Variants in CSMD3 observed in about 807,000 individuals in gnomAD.
CSMD3 encodes the protein CUB and Sushi multiple domains 3.
In CSMD3, 177 loss-of-function variants were observed where a neutral mutation model predicts 435.2. The ratio of observed to expected loss-of-function variants is 0.41; its 90% CI spans 0.36 to 0.46. The LOEUF (loss-of-function observed/expected upper bound fraction) is 0.46. Among genes scored for constraint, CSMD3 ranks in the 20% least tolerant of loss-of-function variants. The pLI, the probability that CSMD3 is intolerant of heterozygous loss-of-function variation, is 0.34. For missense variants in CSMD3, 4,265 were observed against 4,504.6 expected (o/e 0.95, Z 1.52); for synonymous variants, 1,656 against 1,520.5 (o/e 1.09, Z -2.07).
chr8:112,824,903 C>A (rs961348257), intron 12 of CSMD3, among the ~76,000 whole-genome samples: 2 of 152,162 alleles, frequency 1.3e-5, no homozygotes, highest in African/African-American at 4.8e-5. Flanking sequence ...GGGTGTTTTC[C>A]AACTTGGTTC....
Position 112,645,166 on chromosome 8 carries a change from C to A in CSMD3, c.3253G>T (p.Glu1085Ter). Residue 1085 changes from glutamate (E) to a stop codon, truncating the protein, a stop_gained, in exon 20 of 71, where the codon GAA becomes TAA. Coordinates refer to ENST00000297405, the MANE Select transcript of CSMD3 (RefSeq NM_198123.2). LOFTEE classifies it high-confidence loss of function. ...CAATTCAGAGAATTTGGATAAAATT[C>A]CGGGTAACCAGGTGATAAGATTGTT... ...SGTILSPGYPEFYPNSLNCTW... is the reference protein window; with the variant it reads ...SGTILSPGYP The A allele has an allele frequency of 6.2e-7, 1 of 1,609,966 alleles. No homozygotes were observed. Among genetic ancestry groups the A allele is most frequent in the Non-Finnish European group, 8.5e-7 (1 of 1,176,388 alleles).
At chr8:112,996,044 T>C (rs1470239963) in intron 6 of CSMD3, among the ~76,000 whole-genome samples, 2 of 151,530 alleles carry the variant, frequency 1.3e-5, no homozygotes, top group Non-Finnish European at 3.0e-5. Flanking sequence ...TATGTATGTA[T>C]GGTGGAATGG....
At chr8:112,432,900 G>T (rs893487347) in intron 32 of CSMD3, among the ~76,000 whole-genome samples, 5 of 104,954 alleles carry the variant, frequency 4.8e-5, no homozygotes, top group South Asian at 6.5e-4. Context: ...ACGTAGCAAG[G>T]CTCCACTGGA....
intron 24 of CSMD3, among the ~76,000 whole-genome samples, chr8:112,572,766 T>C (rs1000467883): frequency 2.0e-5 from 3 of 152,116 alleles, no homozygotes; most frequent in Non-Finnish European, 4.4e-5. Context: ...ACTCGCACTT[T>C]AATTTATTAG....
At chr8:112,408,861 C>G (rs1832085611) in intron 33 of CSMD3, 58 bp downstream of exon 33, 9 of 1,611,654 alleles carry the variant, frequency 5.6e-6, no homozygotes, top group East Asian at 2.2e-5. Flanking sequence ...CACTACAATA[C>G]TAATCAAAGT....
chr8:112,387,681 C>T (rs1055192914), intron 36 of CSMD3, among the ~76,000 whole-genome samples: 2 of 152,050 alleles, frequency 1.3e-5, no homozygotes, highest in African/African-American at 2.4e-5. Context: ...TTCTAAAGTA[C>T]AGTCAATAAA....
chr8:112,246,407 G>C (rs1382088603), intron 64 of CSMD3, among the ~76,000 whole-genome samples: 1 of 152,114 alleles, frequency 6.6e-6, no homozygotes, highest in Non-Finnish European at 1.5e-5. Flanking sequence ...AAGGCAACTG[G>C]AGAGAAAGAA....
At position 112,354,252 on chromosome 8, in the gene CSMD3, C is replaced by T. The variant is rs372329493; in HGVS notation, c.6137-1718G>A. Among the ~76,000 whole-genome samples the T allele has an allele frequency of 1.3e-4, 20 of 152,106 alleles. No homozygotes were observed. The East Asian group carries it at 1.5e-3, about 12-fold the overall frequency. The stretch of plus-strand genomic sequence containing the variant: ...CACAGACAATATAATACTGAGTGGG[C>T]AAAAGCTGGGATAATTCATGTTGAG... On this transcript the variant is annotated intron_variant, in intron 38 of 70. Transcript: ENST00000297405.
chr8:113,017,595 C>T (rs2086515067), intron 6 of CSMD3, among the ~76,000 whole-genome samples: 2 of 151,980 alleles, frequency 1.3e-5, no homozygotes, highest in South Asian at 4.2e-4. Context: ...TGAATTTCTG[C>T]CATGCCATTG....
At chr8:112,252,301 T>C (rs919334905) in intron 63 of CSMD3, among the ~76,000 whole-genome samples, 4 of 151,918 alleles carry the variant, frequency 2.6e-5, no homozygotes, top group African/African-American at 4.8e-5. Context: ...GTAGCTGAGA[T>C]GTAAATAGAA....
chr8:113,225,131 C>A (rs2093012262), intron 3 of CSMD3, among the ~76,000 whole-genome samples: 1 of 151,222 alleles, frequency 6.6e-6, no homozygotes, highest in African/African-American at 2.4e-5. Flanking sequence ...ATATTAATTG[C>A]AAAGAAAACA....
At chr8:113,375,696 T>C (rs900552253) in intron 1 of CSMD3, among the ~76,000 whole-genome samples, 12 of 152,202 alleles carry the variant, frequency 7.9e-5, no homozygotes, top group Admixed American at 5.2e-4. Flanking sequence ...CAGCAATTAG[T>C]ATTAGCGGGA....
intron 3 of CSMD3, among the ~76,000 whole-genome samples, chr8:113,175,797 A>C (rs2131900784): frequency 6.6e-6 from 1 of 152,170 alleles, no homozygotes; most frequent in Middle Eastern, 3.4e-3. Flanking sequence ...CCTTAGAATT[A>C]ATCCACTCCT....
chr8:112,608,363 T>C (rs1314059659), intron 22 of CSMD3, among the ~76,000 whole-genome samples: 2 of 152,106 alleles, frequency 1.3e-5, no homozygotes, highest in Non-Finnish European at 2.9e-5. Context: ...GAAATACCTA[T>C]ACGTTCCAAA....
At chr8:112,376,153 G>A (rs900686939) in intron 38 of CSMD3, among the ~76,000 whole-genome samples, 1 of 151,994 alleles carries the variant, frequency 6.6e-6, no homozygotes. Context: ...TTGCTTTTGG[G>A]TGATCTACCA....
At chr8:112,627,065 G>A (rs955487666) in intron 22 of CSMD3, among the ~76,000 whole-genome samples, 1 of 151,880 alleles carries the variant, frequency 6.6e-6, no homozygotes, top group Non-Finnish European at 1.5e-5. Flanking sequence ...TCCTTATCTG[G>A]CATTAATATA....
intron 12 of CSMD3, among the ~76,000 whole-genome samples, chr8:112,817,936 G>A (rs1032045630): frequency 5.9e-5 from 9 of 151,826 alleles, no homozygotes; most frequent in Non-Finnish European, 1.2e-4. Context: ...GAAAAGATAT[G>A]GCACATTTCA....
intron 7 of CSMD3, among the ~76,000 whole-genome samples, chr8:112,972,956 G>A (rs2084711798): frequency 1.3e-5 from 2 of 151,964 alleles, no homozygotes; most frequent in African/African-American, 4.8e-5. Flanking sequence ...TTAGAATTAT[G>A]TGGTTAAAAG....
chr8:112,968,600 A>C (rs1166735452), intron 7 of CSMD3, among the ~76,000 whole-genome samples: 1 of 151,956 alleles, frequency 6.6e-6, no homozygotes, highest in Non-Finnish European at 1.5e-5. Context: ...ACAACATATC[A>C]AGCATTTCAA....
Sources: gnomAD v4.1 joint callset for allele counts (sites outside exome capture counted in the v4.1 genomes callset) on GRCh38, gnomAD v4.1.1 for gene constraint, MANE v1.5 for transcripts, NCBI Gene and HGNC (gene_info 2026-07-23, HGNC 2026-07-21) for gene names.